The following DAPK1 variants were observed in gnomAD, a reference collection of about 807,000 sequenced individuals.
DAPK1 encodes the protein death associated protein kinase 1.
DAPK1 carries 56 observed loss-of-function variants against 144.9 expected under a neutral mutation model. The ratio of observed to expected loss-of-function variants is 0.39; its 90% CI spans 0.31 to 0.48. DAPK1 has a LOEUF of 0.48. Ranked by LOEUF, DAPK1 falls within the 20% of genes least tolerant of loss-of-function variation. The probability of loss-of-function intolerance (pLI) is 0.95; values close to 1 mark genes in which losing one functional copy is unlikely to be tolerated. For synonymous variants in DAPK1, 690 were observed against 749.0 expected (o/e 0.92, Z 1.29); for missense variants, 1,454 against 1,875.4 (o/e 0.78, Z 4.15).
At chr9:87,655,194 A>G (rs1276794926) in intron 17 of DAPK1, among the ~76,000 whole-genome samples, 2 of 152,210 alleles carry the variant, frequency 1.3e-5, no homozygotes, top group Non-Finnish European at 2.9e-5. Flanking sequence ...CCCGTAATTC[A>G]GAGCCCATCT....
At chr9:87,694,357 ATCCCCAGG>A (rs1420742677) in intron 21 of DAPK1, among the ~76,000 whole-genome samples, 1 of 152,110 alleles carries the variant, frequency 6.6e-6, no homozygotes, top group African/African-American at 2.4e-5. Flanking sequence ...GGGCTAGGTG[ATCCCCAGG>A]TCCCCAGACA....
At chr9:87,587,655 C>T (rs983934214) in intron 2 of DAPK1, among the ~76,000 whole-genome samples, 4 of 152,222 alleles carry the variant, frequency 2.6e-5, no homozygotes, top group African/African-American at 4.8e-5. Flanking sequence ...CTGTGCTTTC[C>T]TTCACCATCA....
At chr9:87,510,842 G>C (rs1265739170) in intron 2 of DAPK1, among the ~76,000 whole-genome samples, 1 of 152,128 alleles carries the variant, frequency 6.6e-6, no homozygotes, top group Non-Finnish European at 1.5e-5. Flanking sequence ...TTTCTCATCT[G>C]TAAAATGGGG....
At chr9:87,626,446 A>G (rs1421510455) in intron 3 of DAPK1, among the ~76,000 whole-genome samples, 1 of 151,404 alleles carries the variant, frequency 6.6e-6, no homozygotes, top group Non-Finnish European at 1.5e-5. Flanking sequence ...ACAAAAAACA[A>G]CAACAACAAC....
At chr9:87,632,715 TG>T (rs750061772) in intron 3 of DAPK1, 1 of 979,544 alleles carries the variant, frequency 1.0e-6, no homozygotes, top group Non-Finnish European at 1.2e-6. Flanking sequence ...TGAGTATACA[TG>T]TAGAGATGAA....
At chr9:87,498,902 G>C (rs1824290566) in intron 1 of DAPK1, 68 bp from the exon 2 acceptor site, 2 of 550,332 alleles carry the variant, frequency 3.6e-6, no homozygotes, top group East Asian at 5.6e-5. Context: ...TCTTAGCGCC[G>C]GGGAGGTCTA....
intron 21 of DAPK1, among the ~76,000 whole-genome samples, chr9:87,695,460 G>T (rs1268258699): frequency 2.0e-5 from 3 of 152,168 alleles, no homozygotes; most frequent in African/African-American, 7.2e-5. Flanking sequence ...GTAGAGAGGG[G>T]GCATCTCAGG....
In DAPK1 at chr9:87,651,672, C is replaced by T. The variant is rs36214022; in HGVS notation, c.1772C>T (p.Pro591Leu). ...LHVACKDGNM[P>L]IVVALCEANC... ...GTGGCATGTAAAGATGGCAACATGCCTATCGTGGTGGCCCTCTGTGAAGCA... is the reference window on the plus strand; with the variant it reads ...GTGGCATGTAAAGATGGCAACATGCTTATCGTGGTGGCCCTCTGTGAAGCA... The change falls in exon 17 of 26, where the codon CCT becomes CTT. Residue 591 changes from proline (P) to leucine (L), a missense_variant. Coordinates refer to ENST00000408954, the MANE Select transcript of DAPK1 (RefSeq NM_004938.4). The T allele has an allele frequency of 1.2e-6, 2 of 1,614,210 alleles. No homozygotes were observed. Among genetic ancestry groups the T allele is most frequent in the Admixed American group, 3.3e-5 (2 of 60,024 alleles).
intron 2 of DAPK1, among the ~76,000 whole-genome samples, chr9:87,574,765 AC>A: frequency 6.6e-6 from 1 of 152,142 alleles, no homozygotes; most frequent in Non-Finnish European, 1.5e-5. Context: ...CTAAAAATAC[AC>A]AAAAAATTAG....
chr9:87,616,368 G>A (rs765452113), intron 3 of DAPK1, among the ~76,000 whole-genome samples: 2 of 152,216 alleles, frequency 1.3e-5, no homozygotes, highest in Non-Finnish European at 2.9e-5. Context: ...ATACATGGAT[G>A]TCAAGTCCAG....
At chr9:87,687,174 C>T (rs901179283) in intron 21 of DAPK1, among the ~76,000 whole-genome samples, 21 of 152,116 alleles carry the variant, frequency 1.4e-4, no homozygotes, top group African/African-American at 4.8e-4. Context: ...AAAAATACAA[C>T]GCATTGTTAA....
chr9:87,668,530 T>C lies in DAPK1; in HGVS notation c.1924-67T>C, dbSNP rs1400109685. The C allele has an allele frequency of 2.3e-5, 20 of 881,406 alleles. No homozygotes were observed. In the Admixed American group the frequency reaches 2.4e-4, roughly 10 times the overall value. The allele number at this position is 881,406 out of a possible 1,614,324, so 54.6% of individuals were successfully genotyped here. On this transcript the variant is annotated intron_variant, in intron 18 of 25. Coordinates refer to ENST00000408954, the MANE Select transcript of DAPK1 (RefSeq NM_004938.4). The stretch of plus-strand genomic sequence containing the variant: ...TTGTTTCTGCCTCAGACCCACGGAA[T>C]TGGCGTATGGAACACACACAGCTCT...
At position 87,497,977 on chromosome 9, in the gene DAPK1, G is replaced by C. The variant is rs1452720988; in HGVS notation, c.-239G>C. ...GGCAGGGTCTGGGGCCGGCGCCTGG[G>C]AGGGATCTGCGCCCCCCACTCACTC... On this transcript the variant is annotated 5_prime_UTR_variant, in exon 1 of 26. Coordinates refer to ENST00000408954, the MANE Select transcript of DAPK1 (RefSeq NM_004938.4). 2.5e-6 allele frequency: 1 copy of C among 397,222 alleles called. No homozygotes were observed. Among genetic ancestry groups the C allele is most frequent in the East Asian group, 3.6e-5 (1 of 27,994 alleles). 24.6% of individuals were successfully genotyped at this position (397,222 alleles called of 1,614,324 possible). A position where few individuals can be genotyped will look rare whatever the true frequency, so the allele number is the denominator to read the frequency against.
intron 2 of DAPK1, among the ~76,000 whole-genome samples, chr9:87,576,363 T>C (rs1166848844): frequency 1.3e-5 from 2 of 152,256 alleles, no homozygotes; most frequent in South Asian, 2.1e-4. Context: ...TCTTATGTTT[T>C]GTACTGTCAT....
At chr9:87,596,831 C>T (rs1456873907) in intron 2 of DAPK1, among the ~76,000 whole-genome samples, 1 of 152,182 alleles carries the variant, frequency 6.6e-6, no homozygotes, top group Non-Finnish European at 1.5e-5. Context: ...TTGAAAATAA[C>T]AGTTTATCAT....
In DAPK1 at chr9:87,706,192, T is replaced by A; in HGVS notation, c.3121T>A (p.Cys1041Ser). 1 of 1,611,810 alleles carries A rather than the reference T, an allele frequency of 6.2e-7. No individual in the cohort carries two copies. The highest frequency in any genetic ancestry group is 8.5e-7 in the Non-Finnish European group (1 of 1,178,004). Residue 1041 changes from cysteine (C) to serine (S), a missense_variant, in exon 26 of 26, where the codon TGC (cysteine) becomes AGC (serine). Physicochemically the swap from Cys to Ser is moderately radical, Grantham distance 112. Coordinates refer to ENST00000408954, the MANE Select transcript of DAPK1 (RefSeq NM_004938.4). The surrounding 1 kb of genome is among the most constrained non-coding windows in gnomAD (Gnocchi z 9.0). ...GCTGCTCCTGGACCCCCGCTGGCTCTGCACAAACGTCCTGGGGAAGTTGCT... is the reference window on the plus strand; with the variant it reads ...GCTGCTCCTGGACCCCCGCTGGCTCAGCACAAACGTCCTGGGGAAGTTGCT... ...DVLLLDPRWL[C>S]TNVLGKLLSV...
At chr9:87,536,300 G>A (rs888229633) in intron 2 of DAPK1, among the ~76,000 whole-genome samples, 4 of 152,174 alleles carry the variant, frequency 2.6e-5, no homozygotes, top group African/African-American at 9.7e-5. Context: ...GGATGGGCGA[G>A]GGTAGAAGGT....
chr9:87,553,279 A>G (rs1355364149), intron 2 of DAPK1, among the ~76,000 whole-genome samples: 1 of 151,858 alleles, frequency 6.6e-6, no homozygotes, highest in Non-Finnish European at 1.5e-5. Context: ...TTTGGTATCT[A>G]CACAGCAGTC....
intron 2 of DAPK1, 85 bp downstream of exon 2, chr9:87,499,224 G>T: frequency 8.4e-7 from 1 of 1,194,726 alleles, no homozygotes; most frequent in Non-Finnish European, 1.2e-6. Context: ...AATGCAGTTT[G>T]AATCAGGCGT....
Sources: gnomAD v4.1 joint callset for allele counts (sites outside exome capture counted in the v4.1 genomes callset) on GRCh38, gnomAD v4.1.1 for gene constraint, Gnocchi (gnomAD v3.1) non-coding constraint, MANE v1.5 for transcripts, NCBI Gene and HGNC (gene_info 2026-07-23, HGNC 2026-07-21) for gene names.